Variants in MSRB3 observed in about 807,000 individuals in gnomAD.
The protein encoded by MSRB3 is methionine sulfoxide reductase B3.
A neutral mutation model predicts 21.0 loss-of-function variants in MSRB3; 13 were observed. That is an observed-to-expected ratio of 0.62 (90% CI 0.40 to 0.98). The LOEUF is 0.98. Ranked by LOEUF, MSRB3 falls within the 50% of genes least tolerant of loss-of-function variation. MSRB3 has a pLI of 0.00. For missense variants in MSRB3, 199 were observed against 230.3 expected (o/e 0.86, Z 0.88); for synonymous variants, 87 against 88.6 (o/e 0.98, Z 0.10).
intron 6 of MSRB3, among the ~76,000 whole-genome samples, chr12:65,462,443 T>G (rs1205378962): frequency 6.6e-6 from 1 of 152,162 alleles, no homozygotes; most frequent in African/African-American, 2.4e-5. Context: ...TTCCCCAGCT[T>G]TTTGAATAGT....
At chr12:65,384,749 G>C (rs776238729) in intron 5 of MSRB3, among the ~76,000 whole-genome samples, 1 of 152,068 alleles carries the variant, frequency 6.6e-6, no homozygotes, top group African/African-American at 2.4e-5. Context: ...ATTCATTAAA[G>C]TGTTAATATT....
intron 5 of MSRB3, among the ~76,000 whole-genome samples, chr12:65,371,573 ATGTG>A (rs149808439): frequency 3.2e-4 from 48 of 147,876 alleles, no homozygotes; most frequent in South Asian, 6.4e-4. Context: ...GTTAAATTTT[ATGTG>A]TGTGTGTGTG....
chr12:65,328,820 C>A (rs1352228540), intron 4 of MSRB3, among the ~76,000 whole-genome samples: 2 of 152,062 alleles, frequency 1.3e-5, no homozygotes, highest in Non-Finnish European at 2.9e-5. Flanking sequence ...CTTTAAAATA[C>A]CCAACATTAA....
intron 4 of MSRB3, among the ~76,000 whole-genome samples, chr12:65,345,540 A>T (rs908504023): frequency 1.3e-5 from 2 of 152,076 alleles, no homozygotes. Context: ...AATGTTCCTG[A>T]TAACACACGT....
In MSRB3 at chr12:65,465,969, G is replaced by A. The variant is rs1041825459; in HGVS notation, c.*2647G>A. 4 of 152,258 alleles carry A rather than the reference G, an allele frequency of 2.6e-5. No individual in the cohort carries two copies. The South Asian group carries it at 8.3e-4, about 32-fold the overall frequency. 9.4% of individuals were successfully genotyped at this position (152,258 alleles called of 1,614,324 possible). A position where few individuals can be genotyped will look rare whatever the true frequency, so the allele number is the denominator to read the frequency against. ...ACCTCTCGGCTGCTCCAGCTCTGTA[G>A]GATAGCCTCCCCTGGGGTCCGTGGG... On this transcript the variant is annotated 3_prime_UTR_variant, in exon 7 of 7. Transcript: ENST00000308259.
chr12:65,305,707 C>A (rs1032514685), intron 1 of MSRB3, among the ~76,000 whole-genome samples: 3 of 152,166 alleles, frequency 2.0e-5, no homozygotes, highest in Non-Finnish European at 4.4e-5. Flanking sequence ...ATGCTTAGAG[C>A]AGTGCATGGC....
intron 3 of MSRB3, among the ~76,000 whole-genome samples, chr12:65,327,235 G>A (rs918264135): frequency 1.5e-4 from 23 of 152,178 alleles, no homozygotes; most frequent in Non-Finnish European, 3.1e-4. Context: ...TACATTTTTT[G>A]GGAAGACATC....
At chr12:65,343,055 C>A (rs549385810) in intron 4 of MSRB3, among the ~76,000 whole-genome samples, 20 of 152,094 alleles carry the variant, frequency 1.3e-4, no homozygotes, top group Non-Finnish European at 2.2e-4. Context: ...TTAATATTAC[C>A]TTTGCTCAAT....
intron 2 of MSRB3, among the ~76,000 whole-genome samples, chr12:65,319,225 C>T (rs1874506368): frequency 6.6e-6 from 1 of 152,042 alleles, no homozygotes; most frequent in South Asian, 2.1e-4. Context: ...AAATCTGAAC[C>T]TACATTTTAT....
At chr12:65,301,579 A>G (rs1331281479) in intron 1 of MSRB3, among the ~76,000 whole-genome samples, 2 of 152,196 alleles carry the variant, frequency 1.3e-5, no homozygotes, top group Admixed American at 6.5e-5. Flanking sequence ...CGGTGAACCA[A>G]TGTTTTCCAA....
At chr12:65,327,079 A>C (rs1156359643) in intron 3 of MSRB3, 145 bp downstream of exon 3, 5 of 686,134 alleles carry the variant, frequency 7.3e-6, no homozygotes, top group African/African-American at 1.8e-5. Flanking sequence ...AAAGGTTAAA[A>C]TGGTGTTGTT....
intron 5 of MSRB3, among the ~76,000 whole-genome samples, chr12:65,434,355 C>T (rs915168987): frequency 6.6e-6 from 1 of 151,834 alleles, no homozygotes; most frequent in Admixed American, 6.6e-5. Flanking sequence ...CTAGAATATC[C>T]TTTAGATCAC....
chr12:65,346,157 C>T (rs1335480263), intron 4 of MSRB3, among the ~76,000 whole-genome samples: 1 of 152,106 alleles, frequency 6.6e-6, no homozygotes, highest in Non-Finnish European at 1.5e-5. Context: ...GAGGAATCGC[C>T]ACACTGACTT....
At chr12:65,436,412 G>GT (rs201872897) in intron 5 of MSRB3, among the ~76,000 whole-genome samples, 3,368 of 151,210 alleles carry the variant, frequency 0.022, 54 homozygotes, top group Middle Eastern at 0.058. Context: ...TAACGCATTT[G>GT]TTTTTTTTCA....
chr12:65,344,033 G>A (rs1346533548), intron 4 of MSRB3: 1 of 151,990 alleles, frequency 6.6e-6, no homozygotes, highest in African/African-American at 2.4e-5. Flanking sequence ...TGTAACATGA[G>A]GATAATACCC....
At chr12:65,387,321 AT>A (rs934897871) in intron 5 of MSRB3, among the ~76,000 whole-genome samples, 11 of 151,942 alleles carry the variant, frequency 7.2e-5, no homozygotes, top group African/African-American at 1.7e-4. Flanking sequence ...TGTGTGTAGT[AT>A]TTTTTTTCCC....
chr12:65,296,657 T>G (rs767835341), intron 1 of MSRB3, among the ~76,000 whole-genome samples: 33 of 152,190 alleles, frequency 2.2e-4, no homozygotes, highest in Admixed American at 5.2e-4. Flanking sequence ...CCCTAGTCCC[T>G]GGGAACTAGG....
intron 4 of MSRB3, among the ~76,000 whole-genome samples, chr12:65,364,528 A>G (rs1877895000): frequency 6.6e-6 from 1 of 152,184 alleles, no homozygotes; most frequent in Non-Finnish European, 1.5e-5. Flanking sequence ...GCAATTTTGT[A>G]TCCCTACCAT....
intron 1 of MSRB3, among the ~76,000 whole-genome samples, chr12:65,302,887 A>G (rs1158309628): frequency 6.6e-6 from 1 of 152,156 alleles, no homozygotes; most frequent in Non-Finnish European, 1.5e-5. Flanking sequence ...AATAGCGACA[A>G]TGAAACTTCT....
Sources: gnomAD v4.1 joint callset for allele counts (sites outside exome capture counted in the v4.1 genomes callset) on GRCh38, gnomAD v4.1.1 for gene constraint, MANE v1.5 for transcripts, NCBI Gene and HGNC (gene_info 2026-07-23, HGNC 2026-07-21) for gene names.